PLEKHM3: variants seen among roughly 807,000 people sequenced by gnomAD.
The protein encoded by PLEKHM3 is pleckstrin homology domain-containing family M member 3.
PLEKHM3 carries 45 observed loss-of-function variants against 81.8 expected under a neutral mutation model. That is an observed-to-expected ratio of 0.55 (90% CI 0.43 to 0.71). PLEKHM3 has a LOEUF of 0.71. Among genes scored for constraint, PLEKHM3 ranks in the 30% least tolerant of loss-of-function variants. The pLI, the probability that PLEKHM3 is intolerant of heterozygous loss-of-function variation, is 0.00. For synonymous variants in PLEKHM3, 352 were observed against 356.4 expected (o/e 0.99, Z 0.14); for missense variants, 788 against 924.3 (o/e 0.85, Z 1.91).
chr2:207,992,137 T>C (rs1691919882), intron 2 of PLEKHM3, among the ~76,000 whole-genome samples: 1 of 152,148 alleles, frequency 6.6e-6, no homozygotes, highest in Non-Finnish European at 1.5e-5. Context: ...TGTGTTTTAT[T>C]TGTGGTGGAG....
At chr2:207,848,542 C>T (rs1035227444) in intron 7 of PLEKHM3, among the ~76,000 whole-genome samples, 1 of 152,220 alleles carries the variant, frequency 6.6e-6, no homozygotes, top group African/African-American at 2.4e-5. Context: ...TTAGGCATCT[C>T]AGCACCATCT....
chr2:207,962,490 A>G (rs1020754421), intron 3 of PLEKHM3, among the ~76,000 whole-genome samples: 1 of 152,170 alleles, frequency 6.6e-6, no homozygotes, highest in African/African-American at 2.4e-5. Context: ...CTGCAATTGT[A>G]TGTATAGCAT....
Position 207,876,713 on chromosome 2 carries a change from T to G in PLEKHM3, c.1951-15451A>C, listed in dbSNP as rs140502605. ...TTTAAATACTTGACTGGGACTTAAG[T>G]AACCAATCAGTTAGGACGCATATTG... On this transcript the variant is annotated intron_variant, in intron 6 of 7. Transcript: ENST00000427836. 5.3e-5 allele frequency among the ~76,000 whole-genome samples: 8 copies of G among 152,356 alleles called. No individual in the cohort carries two copies. The East Asian group carries it at 1.5e-3, about 29-fold the overall frequency.
At chr2:207,853,544 G>C (rs1390224864) in intron 7 of PLEKHM3, among the ~76,000 whole-genome samples, 1 of 151,860 alleles carries the variant, frequency 6.6e-6, no homozygotes, top group Non-Finnish European at 1.5e-5. Context: ...GACCAGCCTG[G>C]CCAACATGGT....
intron 5 of PLEKHM3, among the ~76,000 whole-genome samples, chr2:207,914,211 G>A (rs1434778285): frequency 4.0e-5 from 6 of 151,708 alleles, no homozygotes; most frequent in Admixed American, 3.9e-4. Context: ...AAATTAGCTG[G>A]GGGGCCGGGT....
intron 1 of PLEKHM3, among the ~76,000 whole-genome samples, chr2:208,018,371 C>CAAAAAAAAAAAAGAAAAGAAAAG (rs1693000725): frequency 8.9e-6 from 1 of 111,868 alleles, no homozygotes; most frequent in Non-Finnish European, 1.8e-5. Context: ...GACTCTGTCT[C>CAAAAAAAAAAAAGAAAAGAAAAG]AAAAAAAAAA....
chr2:208,019,997 A>T (rs913052833), intron 1 of PLEKHM3, among the ~76,000 whole-genome samples: 1 of 152,234 alleles, frequency 6.6e-6, no homozygotes, highest in Non-Finnish European at 1.5e-5. Flanking sequence ...CATTCAGCTA[A>T]TTTCCTGGAG....
chr2:207,908,893 T>C lies in PLEKHM3; in HGVS notation c.1887-316A>G, dbSNP rs1242217836. Among the ~76,000 whole-genome samples, 5 of 152,260 alleles carry C rather than the reference T, an allele frequency of 3.3e-5. No homozygotes were observed. The East Asian group carries it at 9.6e-4, about 29-fold the overall frequency. The stretch of plus-strand genomic sequence containing the variant: ...TGTACCAGCTGTGTCCGTAATAAGC[T>C]GTGTGATCTCTGGCAAGTCCCCACA... On this transcript the variant is annotated intron_variant, in intron 5 of 7. Coordinates refer to ENST00000427836, the MANE Select transcript of PLEKHM3 (RefSeq NM_001080475.3).
At chr2:208,022,922 ATT>A (rs1693174841) in intron 1 of PLEKHM3, among the ~76,000 whole-genome samples, 1 of 152,148 alleles carries the variant, frequency 6.6e-6, no homozygotes, top group Non-Finnish European at 1.5e-5. Flanking sequence ...GTTTCTTATC[ATT>A]TGTTTGTGTT....
At chr2:207,838,062 G>A (rs540729570) in intron 7 of PLEKHM3, among the ~76,000 whole-genome samples, 1 of 151,968 alleles carries the variant, frequency 6.6e-6, no homozygotes, top group East Asian at 1.9e-4. Context: ...GTGAGCCACC[G>A]CGCCCGGCCT....
At chr2:207,870,302 T>C (rs1298699127) in intron 6 of PLEKHM3, among the ~76,000 whole-genome samples, 1 of 152,232 alleles carries the variant, frequency 6.6e-6, no homozygotes, top group Non-Finnish European at 1.5e-5. Context: ...CATTGGCTAA[T>C]TCCTTCCCTC....
At chr2:207,901,818 A>G (rs1688437507) in intron 6 of PLEKHM3, among the ~76,000 whole-genome samples, 1 of 152,210 alleles carries the variant, frequency 6.6e-6, no homozygotes. Context: ...AGCCGTGGCT[A>G]AAATAGTTAA....
At chr2:207,858,007 T>C (rs2092444926) in intron 7 of PLEKHM3, among the ~76,000 whole-genome samples, 2 of 151,770 alleles carry the variant, frequency 1.3e-5, no homozygotes, top group South Asian at 4.1e-4. Flanking sequence ...TGTTTTTTTA[T>C]ATATTTTATA....
Position 207,906,345 on chromosome 2 carries a change from G to A in PLEKHM3, c.1950+2169C>T, listed in dbSNP as rs1309882773. The stretch of plus-strand genomic sequence containing the variant: ...CAGCAGACCACTGCTGCTTGACTAT[G>A]TAGTAAAGGTCAGGCAGGACCAAAG... On this transcript the variant is annotated intron_variant, in intron 6 of 7. Coordinates refer to ENST00000427836, the MANE Select transcript of PLEKHM3 (RefSeq NM_001080475.3). 3.3e-5 allele frequency among the ~76,000 whole-genome samples: 5 copies of A among 151,266 alleles called. No homozygotes were observed. The East Asian group carries it at 9.6e-4, about 29-fold the overall frequency.
intron 6 of PLEKHM3, among the ~76,000 whole-genome samples, chr2:207,876,044 T>A (rs1244014037): frequency 3.3e-5 from 5 of 152,192 alleles, no homozygotes; most frequent in Admixed American, 6.5e-5. Context: ...CTGATCCCAT[T>A]ACAAATATTT....
chr2:207,856,605 C>T (rs576570799), intron 7 of PLEKHM3, among the ~76,000 whole-genome samples: 9 of 152,270 alleles, frequency 5.9e-5, no homozygotes, highest in African/African-American at 1.7e-4. Context: ...TTGTGATACA[C>T]GTTTAGGTTT....
intron 7 of PLEKHM3, among the ~76,000 whole-genome samples, chr2:207,839,791 G>C (rs2092340003): frequency 6.6e-6 from 1 of 152,160 alleles, no homozygotes; most frequent in Non-Finnish European, 1.5e-5. Context: ...GCTGGGTATG[G>C]TAGTACACAC....
chr2:207,911,213 G>A (rs1688800277), intron 5 of PLEKHM3, among the ~76,000 whole-genome samples: 1 of 152,162 alleles, frequency 6.6e-6, no homozygotes, highest in Non-Finnish European at 1.5e-5. Flanking sequence ...GATGAGGGTT[G>A]TTTGTTTTTA....
chr2:208,021,331 G>A (rs1559287805), intron 1 of PLEKHM3, among the ~76,000 whole-genome samples: 1 of 152,132 alleles, frequency 6.6e-6, no homozygotes, highest in Non-Finnish European at 1.5e-5. Flanking sequence ...TACTTTTAAT[G>A]AACATTCAGC....
Sources: allele counts gnomAD v4.1 joint callset (sites outside exome capture counted in the v4.1 genomes callset), GRCh38; gene constraint gnomAD v4.1.1; transcripts MANE v1.5; gene names NCBI Gene and HGNC (gene_info 2026-07-23, HGNC 2026-07-21).